Variants in GNG12 observed in about 807,000 individuals in gnomAD.
The protein encoded by GNG12 is G protein subunit gamma 12.
For missense variants in GNG12, 69 were observed against 83.8 expected, an observed-to-expected ratio of 0.82 and a Z score of 0.69; for synonymous variants, 28 against 29.7, an observed-to-expected ratio of 0.94 and a Z score of 0.19.
intron 2 of GNG12, among the ~76,000 whole-genome samples, chr1:67,756,990 C>T (rs918477326): frequency 1.3e-5 from 2 of 152,170 alleles, no homozygotes; most frequent in African/African-American, 2.4e-5. Context: ...TGCTATAGTA[C>T]GACTTTTCTA....
intron 1 of GNG12, among the ~76,000 whole-genome samples, chr1:67,802,212 C>T (rs2100798095): frequency 6.6e-6 from 1 of 152,210 alleles, no homozygotes; most frequent in East Asian, 1.9e-4. Flanking sequence ...GGGCAAAGAC[C>T]TGGAGGTTCT....
intron 2 of GNG12, among the ~76,000 whole-genome samples, chr1:67,768,078 TCTG>T (rs1646652051): frequency 6.6e-6 from 1 of 152,258 alleles, no homozygotes; most frequent in South Asian, 2.1e-4. Flanking sequence ...TGCTTGGTCT[TCTG>T]CAAATTCTTA....
chr1:67,745,407 C>A (rs1395644217), intron 2 of GNG12, among the ~76,000 whole-genome samples: 4 of 152,162 alleles, frequency 2.6e-5, no homozygotes, highest in Non-Finnish European at 5.9e-5. Flanking sequence ...CTCTTCTGGG[C>A]CCTGCTTCTT....
At chr1:67,750,521 G>A (rs1040832702) in intron 2 of GNG12, among the ~76,000 whole-genome samples, 1 of 152,168 alleles carries the variant, frequency 6.6e-6, no homozygotes, top group South Asian at 2.1e-4. Context: ...TCATCACAGC[G>A]TAATTCACCC....
intron 2 of GNG12, 139 bp from the exon 3 acceptor site, chr1:67,707,851 C>T (rs1447200007): frequency 4.6e-5 from 25 of 541,040 alleles, no homozygotes; most frequent in Non-Finnish European, 7.1e-5. Context: ...ACTAAAACAC[C>T]CCTTAGAAAT....
At chr1:67,776,918 G>A (rs1017630057) in intron 2 of GNG12, among the ~76,000 whole-genome samples, 6 of 152,168 alleles carry the variant, frequency 3.9e-5, no homozygotes, top group African/African-American at 1.4e-4. Flanking sequence ...AGCCCCGGAA[G>A]CTTTCTCACT....
chr1:67,827,807 G>A (rs992543123), intron 1 of GNG12, among the ~76,000 whole-genome samples: 1 of 152,122 alleles, frequency 6.6e-6, no homozygotes, highest in Non-Finnish European at 1.5e-5. Flanking sequence ...GTCACAGGAT[G>A]GTAACCAGAC....
intron 1 of GNG12, among the ~76,000 whole-genome samples, chr1:67,790,856 T>C (rs867911359): frequency 7.9e-5 from 12 of 152,260 alleles, no homozygotes; most frequent in African/African-American, 2.9e-4. Flanking sequence ...CCTCGTGATC[T>C]ACCCGCCTTG....
At position 67,807,408 on chromosome 1, in the gene GNG12, G is replaced by A. The variant is rs539303011; in HGVS notation, c.-77+25936C>T. ...AATAAATTAAATTCAAATTAAGCAT[G>A]GGCAAAGATTAATATACAAAGAAAA... On this transcript the variant is annotated intron_variant, in intron 1 of 3. Transcript: ENST00000370982. Among the ~76,000 whole-genome samples, 8 of 150,318 alleles carry A rather than the reference G, an allele frequency of 5.3e-5. No homozygotes were observed. In the South Asian group the frequency reaches 1.3e-3, roughly 24 times the overall value.
intron 2 of GNG12, among the ~76,000 whole-genome samples, chr1:67,758,994 C>A (rs945248682): frequency 7.9e-5 from 12 of 152,086 alleles, no homozygotes; most frequent in African/African-American, 2.4e-4. Flanking sequence ...GAGTCAACAA[C>A]AATTTATTGT....
intron 1 of GNG12, among the ~76,000 whole-genome samples, chr1:67,820,701 C>T (rs1287080130): frequency 6.6e-6 from 1 of 152,200 alleles, no homozygotes; most frequent in African/African-American, 2.4e-5. Flanking sequence ...CAGTATTCAA[C>T]CTCTCAGAAC....
At chr1:67,827,582 C>T (rs1647018494) in intron 1 of GNG12, among the ~76,000 whole-genome samples, 1 of 152,042 alleles carries the variant, frequency 6.6e-6, no homozygotes, top group Non-Finnish European at 1.5e-5. Flanking sequence ...ACCGCCACCA[C>T]GCCCGGCTAA....
chr1:67,727,828 T>G (rs749401033), intron 2 of GNG12, among the ~76,000 whole-genome samples: 1 of 152,234 alleles, frequency 6.6e-6, no homozygotes, highest in Non-Finnish European at 1.5e-5. Flanking sequence ...CATTTCTACT[T>G]GTGGTCTTGC....
chr1:67,810,681 T>C (rs1016422486), intron 1 of GNG12, among the ~76,000 whole-genome samples: 2 of 152,132 alleles, frequency 1.3e-5, no homozygotes, highest in Non-Finnish European at 2.9e-5. Flanking sequence ...TTCTCCCTCC[T>C]CCTCCCCACC....
chr1:67,770,563 G>C (rs905065185), intron 2 of GNG12, among the ~76,000 whole-genome samples: 1 of 151,994 alleles, frequency 6.6e-6, no homozygotes, highest in African/African-American at 2.4e-5. Flanking sequence ...ATGAGAGTGA[G>C]AGGACCCCAA....
At chr1:67,809,745 G>A (rs1380657205) in intron 1 of GNG12, among the ~76,000 whole-genome samples, 1 of 152,022 alleles carries the variant, frequency 6.6e-6, no homozygotes, top group Non-Finnish European at 1.5e-5. Flanking sequence ...ACACCTACCA[G>A]AATAGCCAAA....
intron 2 of GNG12, among the ~76,000 whole-genome samples, chr1:67,729,109 G>A: frequency 6.6e-6 from 1 of 152,190 alleles, no homozygotes. Flanking sequence ...TTTCTGACAG[G>A]TGCTGCCCCA....
chr1:67,766,539 C>T (rs1404194480), intron 2 of GNG12, among the ~76,000 whole-genome samples: 1 of 152,002 alleles, frequency 6.6e-6, no homozygotes, highest in Non-Finnish European at 1.5e-5. Context: ...AGCTCATTCT[C>T]CTCAAACTTG....
chr1:67,830,700 C>T (rs534117258), intron 1 of GNG12, among the ~76,000 whole-genome samples: 1 of 152,320 alleles, frequency 6.6e-6, no homozygotes, highest in East Asian at 1.9e-4. Context: ...GCACTAAAAG[C>T]ATATTAAAAC....
Sources: gnomAD v4.1 joint callset for allele counts (sites outside exome capture counted in the v4.1 genomes callset) on GRCh38, gnomAD v4.1.1 for gene constraint, MANE v1.5 for transcripts, NCBI Gene and HGNC (gene_info 2026-07-23, HGNC 2026-07-21) for gene names.